TFCP2: variants seen among roughly 807,000 people sequenced by gnomAD.
TFCP2 encodes the protein alpha-globin transcription factor CP2.
A neutral mutation model predicts 73.4 loss-of-function variants in TFCP2; 33 were observed. The observed-to-expected ratio is 0.45, with a 90% CI of 0.34 to 0.60. The LOEUF is 0.60. TFCP2 is among the 20% of genes least tolerant of loss of function. TFCP2 has a pLI of 0.01. For missense variants in TFCP2, 352 were observed against 604.0 expected, an observed-to-expected ratio of 0.58 and a Z score of 4.37; for synonymous variants, 193 against 211.6, an observed-to-expected ratio of 0.91 and a Z score of 0.76.
chr12:51,140,917 G>A (rs964273372), intron 1 of TFCP2, among the ~76,000 whole-genome samples: 3 of 151,748 alleles, frequency 2.0e-5, no homozygotes, highest in Admixed American at 6.6e-5. Context: ...TTAGCCAGGC[G>A]TGGTGGCAGG....
intron 1 of TFCP2, among the ~76,000 whole-genome samples, chr12:51,120,177 C>CAAAA (rs33982936): frequency 2.6e-4 from 15 of 57,268 alleles, no homozygotes; most frequent in East Asian, 5.8e-4. Flanking sequence ...GACTCTGTCT[C>CAAAA]AAAAAAAAAA....
chr12:51,115,018 G>A (rs949255268), intron 4 of TFCP2, among the ~76,000 whole-genome samples: 1 of 115,864 alleles, frequency 8.6e-6, no homozygotes, highest in African/African-American at 3.2e-5. Context: ...TTGATATCGC[G>A]CCATTGCACT....
chr12:51,103,656 A>T lies in TFCP2; in HGVS notation c.1060+14T>A, dbSNP rs112863221. ...TTTCATGCTAGGGAAAACAAAAGAAAAAGAAAATTTAACCTGAGAAGTTTG... is the reference window on the plus strand; with the variant it reads ...TTTCATGCTAGGGAAAACAAAAGAATAAGAAAATTTAACCTGAGAAGTTTG... On this transcript the variant is annotated intron_variant, in intron 10 of 14. Coordinates refer to ENST00000257915, the MANE Select transcript of TFCP2 (RefSeq NM_005653.5). 2 of 1,607,708 alleles carry T rather than the reference A, an allele frequency of 1.2e-6. No individual in the cohort carries two copies. The highest frequency in any genetic ancestry group is 1.7e-6 in the Non-Finnish European group (2 of 1,177,358).
chr12:51,138,002 C>G (rs2137011560), intron 1 of TFCP2, among the ~76,000 whole-genome samples: 1 of 152,300 alleles, frequency 6.6e-6, no homozygotes, highest in Non-Finnish European at 1.5e-5. Flanking sequence ...GTTCTTATGT[C>G]TTGCTCATCC....
intron 1 of TFCP2, chr12:51,124,667 C>T (rs192108943): frequency 1.7e-6 from 1 of 603,820 alleles, no homozygotes; most frequent in Non-Finnish European, 3.1e-6. Context: ...ACTTGCACAG[C>T]TCCATCAGGC....
intron 12 of TFCP2, 74 bp downstream of exon 12, chr12:51,099,581 T>C (rs1294766238): frequency 9.1e-6 from 14 of 1,546,666 alleles, no homozygotes; most frequent in Non-Finnish European, 1.2e-5. Flanking sequence ...TTTGATAGTT[T>C]CCCATCACAC....
rs1165606054 is a variant in TFCP2 at position 51,118,715 on chromosome 12, A to T, written c.180T>A (p.Asn60Lys). 1 of 1,614,180 alleles carries T rather than the reference A, an allele frequency of 6.2e-7. No individual in the cohort carries two copies. Among genetic ancestry groups the T allele is most frequent in the African/African-American group, 1.3e-5 (1 of 75,046 alleles). ...KQEESSLPPD[N>K]ENKILPFQYV... The stretch of plus-strand genomic sequence containing the variant: ...ATTGAAAAGGCAGGATTTTATTCTC[A>T]TTATCAGGAGGCAAACTCGACTCTT... The change falls in exon 2 of 15, where the codon AAT (asparagine) becomes AAA (lysine). Residue 60 changes from asparagine (N) to lysine (K), a missense_variant. Asn to Lys is a moderately conservative substitution (Grantham distance 94). This residue lies in a region of TFCP2 where 76 missense variants were observed against 163.2 expected (regional missense o/e 0.47). Transcript: ENST00000257915.
At chr12:51,115,526 A>G (rs1178878331) in intron 4 of TFCP2, among the ~76,000 whole-genome samples, 2 of 152,182 alleles carry the variant, frequency 1.3e-5, no homozygotes, top group African/African-American at 2.4e-5. Flanking sequence ...TTACCATATG[A>G]CCCAGCAATT....
At chr12:51,112,678 C>T (rs1470627844) in intron 4 of TFCP2, among the ~76,000 whole-genome samples, 1 of 152,004 alleles carries the variant, frequency 6.6e-6, no homozygotes. Flanking sequence ...ACCAGCCTGG[C>T]CAACATGGTG....
intron 1 of TFCP2, among the ~76,000 whole-genome samples, chr12:51,133,847 G>T (rs1437682228): frequency 6.6e-6 from 1 of 151,750 alleles, no homozygotes; most frequent in South Asian, 2.1e-4. Context: ...ACTTGAACTC[G>T]GGAGGTGGAG....
chr12:51,099,797 G>A lies in TFCP2; in HGVS notation c.1152-18C>T, dbSNP rs781133978. The A allele has an allele frequency of 1.2e-6, 2 of 1,611,994 alleles. No homozygotes were observed. The highest frequency in any genetic ancestry group is 1.1e-5 in the South Asian group (1 of 90,880). On this transcript the variant is annotated intron_variant, in intron 11 of 14. Coordinates refer to ENST00000257915, the MANE Select transcript of TFCP2 (RefSeq NM_005653.5). ...GCACCATCCTAAGGGGAGGAAAAAG[G>A]CTAATTAGTCTTACATTCTTTATGG...
chr12:51,139,779 A>G (rs1941147767), intron 1 of TFCP2, among the ~76,000 whole-genome samples: 2 of 151,874 alleles, frequency 1.3e-5, no homozygotes, highest in Non-Finnish European at 2.9e-5. Flanking sequence ...CTCAATTGCT[A>G]TGATTCATTT....
chr12:51,113,199 A>G (rs1940443326), intron 4 of TFCP2, among the ~76,000 whole-genome samples: 1 of 152,244 alleles, frequency 6.6e-6, no homozygotes, highest in South Asian at 2.1e-4. Context: ...AGGTCAACTT[A>G]TCATACAGAT....
chr12:51,114,777 C>T lies in TFCP2; in HGVS notation c.457+1538G>A, dbSNP rs867138146. Among the ~76,000 whole-genome samples the T allele has an allele frequency of 4.2e-4, 63 of 151,392 alleles. No individual in the cohort carries two copies. In the Middle Eastern group the frequency reaches 0.014, roughly 33 times the overall value. On this transcript the variant is annotated intron_variant, in intron 4 of 14. Coordinates refer to ENST00000257915, the MANE Select transcript of TFCP2 (RefSeq NM_005653.5). Reference sequence around the variant, plus strand: ...ATGGATATTATCAAAAAATAGAAAGCAACAGGCCAGGTGTGGTGGCTCACG... The same window carrying T: ...ATGGATATTATCAAAAAATAGAAAGTAACAGGCCAGGTGTGGTGGCTCACG...
chr12:51,133,575 T>C (rs1482626734), intron 1 of TFCP2, among the ~76,000 whole-genome samples: 1 of 152,098 alleles, frequency 6.6e-6, no homozygotes. Flanking sequence ...CCCCACAAAG[T>C]GCTGGGATTA....
Position 51,093,881 on chromosome 12 carries a change from T to G in TFCP2, c.*1360A>C, listed in dbSNP as rs1267364396. 1 of 148,722 alleles carries G rather than the reference T, an allele frequency of 6.7e-6. No homozygotes were observed. The highest frequency in any genetic ancestry group is 2.5e-5 in the African/African-American group (1 of 39,976). 9.2% of individuals were successfully genotyped at this position (148,722 alleles called of 1,614,324 possible). ...ACACAAATCCAAATCCAATACACAA[T>G]CTTAGAACATTATCTTTGTGTACCT... On this transcript the variant is annotated 3_prime_UTR_variant, in exon 15 of 15. Coordinates refer to ENST00000257915, the MANE Select transcript of TFCP2 (RefSeq NM_005653.5).
chr12:51,117,891 T>C, intron 2 of TFCP2, 144 bp from the exon 3 acceptor site: 1 of 587,332 alleles, frequency 1.7e-6, no homozygotes, highest in Non-Finnish European at 3.0e-6. Context: ...CTTTACAAGA[T>C]GCTCAGCACT....
rs561701568 is a variant in TFCP2 at position 51,107,091 on chromosome 12, C to T, written c.828+145G>A. 5.7e-5 allele frequency: 40 copies of T among 696,158 alleles called. 1 individual carries two copies. In the Middle Eastern group the frequency reaches 7.3e-3, roughly 127 times the overall value. 43.1% of individuals were successfully genotyped at this position (696,158 alleles called of 1,614,324 possible). A position where few individuals can be genotyped will look rare whatever the true frequency, so the allele number is the denominator to read the frequency against. On this transcript the variant is annotated intron_variant, in intron 7 of 14. Transcript: ENST00000257915. Reference sequence around the variant, plus strand: ...TCGTGCCAAATTCTAAAGCAATCTTCCTGTTAAGGCCGCTGGACACAGAAT... The same window carrying T: ...TCGTGCCAAATTCTAAAGCAATCTTTCTGTTAAGGCCGCTGGACACAGAAT...
At chr12:51,123,178 C>T (rs1940723555) in intron 1 of TFCP2, among the ~76,000 whole-genome samples, 1 of 152,098 alleles carries the variant, frequency 6.6e-6, no homozygotes, top group South Asian at 2.1e-4. Context: ...TCAAAGTTAC[C>T]CCTAAAATTA....
Sources: allele counts gnomAD v4.1 joint callset (sites outside exome capture counted in the v4.1 genomes callset), GRCh38; gene constraint gnomAD v4.1.1; regional missense constraint gnomAD v4.1.1; transcripts MANE v1.5; gene names NCBI Gene and HGNC (gene_info 2026-07-23, HGNC 2026-07-21).